The following IMPG1 variants were observed in gnomAD, a reference collection of about 807,000 sequenced individuals.
IMPG1 encodes the protein interphotoreceptor matrix proteoglycan of 150 kDa.
IMPG1 carries 85 observed loss-of-function variants against 92.0 expected under a neutral mutation model. The observed-to-expected ratio is 0.92, with a 90% CI of 0.78 to 1.11. The LOEUF (loss-of-function observed/expected upper bound fraction) is 1.11, where lower values mean the gene tolerates loss of function less well. IMPG1 is among the 50% of genes least tolerant of loss of function. The pLI, the probability that IMPG1 is intolerant of heterozygous loss-of-function variation, is 0.00. For synonymous variants in IMPG1, 367 were observed against 334.1 expected, an observed-to-expected ratio of 1.10 and a Z score of -1.08; for missense variants, 1,022 against 956.0, an observed-to-expected ratio of 1.07 and a Z score of -0.91.
chr6:76,012,667 C>A (rs1783207121), intron 7 of IMPG1, among the ~76,000 whole-genome samples: 1 of 152,156 alleles, frequency 6.6e-6, no homozygotes, highest in Non-Finnish European at 1.5e-5. Flanking sequence ...TGAGCAGACA[C>A]CCATCCCTTT....
chr6:75,973,918 T>C (rs12527817), intron 12 of IMPG1, among the ~76,000 whole-genome samples: 71,586 of 152,072 alleles, frequency 0.47, 17,270 homozygotes, highest in East Asian at 0.72. Context: ...ATCTGCCATG[T>C]CTGCTTTAGG....
Position 75,947,358 on chromosome 6 carries a change from T to C in IMPG1, c.2000A>G (p.Gln667Arg), listed in dbSNP as rs1781943910. 7 of 1,613,972 alleles carry C rather than the reference T, an allele frequency of 4.3e-6. No homozygotes were observed. In the East Asian group the frequency reaches 1.6e-4, roughly 36 times the overall value. ...GTAGCTGTCTATTTCCAGATGGAGT[T>C]GTTGGGCTGCAGCAGAACGAAAATC... ...LEDFRSAAAQ[Q>R]LHLEIDSYSL... The change falls in exon 14 of 17, where the codon CAA (glutamine) becomes CGA (arginine). Residue 667 changes from glutamine (Q) to arginine (R), a missense_variant. Gln to Arg is a conservative substitution (Grantham distance 43). Transcript: ENST00000369950.
intron 15 of IMPG1, among the ~76,000 whole-genome samples, chr6:75,926,297 A>G (rs1344595495): frequency 1.3e-5 from 2 of 151,898 alleles, no homozygotes; most frequent in Non-Finnish European, 2.9e-5. Context: ...TAAAATTCCA[A>G]CCCCTTCCTC....
chr6:75,997,449 G>C (rs1438692428), intron 12 of IMPG1, among the ~76,000 whole-genome samples: 1 of 152,126 alleles, frequency 6.6e-6, no homozygotes, highest in African/African-American at 2.4e-5. Flanking sequence ...TTTTGGGCTG[G>C]GAGAGAGGCT....
At chr6:76,071,271 A>T (rs983077729) in intron 1 of IMPG1, among the ~76,000 whole-genome samples, 1 of 150,244 alleles carries the variant, frequency 6.7e-6, no homozygotes, top group African/African-American at 2.4e-5. Context: ...GAATTAATGT[A>T]ACAAAAAATT....
intron 12 of IMPG1, among the ~76,000 whole-genome samples, chr6:75,965,983 A>G (rs967445927): frequency 6.6e-6 from 1 of 152,124 alleles, no homozygotes; most frequent in Non-Finnish European, 1.5e-5. Context: ...TCCTCTTAAC[A>G]GTGTCCTTTG....
chr6:76,066,625 C>T (rs2127598796), intron 1 of IMPG1, among the ~76,000 whole-genome samples: 1 of 152,184 alleles, frequency 6.6e-6, no homozygotes, highest in East Asian at 1.9e-4. Context: ...ATTCCACTGG[C>T]AACACTAGAC....
At chr6:76,021,087 A>G (rs1783415461) in intron 6 of IMPG1, among the ~76,000 whole-genome samples, 1 of 152,186 alleles carries the variant, frequency 6.6e-6, no homozygotes, top group South Asian at 2.1e-4. Context: ...AACACTTGTC[A>G]TCTATTGTCT....
At chr6:75,984,980 G>C (rs1782689567) in intron 12 of IMPG1, among the ~76,000 whole-genome samples, 1 of 152,140 alleles carries the variant, frequency 6.6e-6, no homozygotes, top group African/African-American at 2.4e-5. Flanking sequence ...CCTGCAGAAC[G>C]GCAAGCCAAT....
chr6:76,063,652 A>G (rs1165483873), intron 1 of IMPG1, among the ~76,000 whole-genome samples: 1 of 152,172 alleles, frequency 6.6e-6, no homozygotes, highest in Non-Finnish European at 1.5e-5. Flanking sequence ...GGCTGCATCC[A>G]TTGAATGACT....
chr6:75,962,294 ATT>A (rs146223042), intron 12 of IMPG1, among the ~76,000 whole-genome samples: 2 of 149,906 alleles, frequency 1.3e-5, no homozygotes, highest in African/African-American at 4.9e-5. Context: ...AATTAAAAAA[ATT>A]TTTTTTTTAT....
chr6:75,991,723 A>G (rs1057435129), intron 12 of IMPG1, among the ~76,000 whole-genome samples: 4 of 152,140 alleles, frequency 2.6e-5, no homozygotes, highest in African/African-American at 9.7e-5. Context: ...ACCTATTACC[A>G]TCAATGACAA....
rs552813844 is a variant in IMPG1 at position 75,949,782 on chromosome 6, A to G, written c.1824+780T>C. On this transcript the variant is annotated intron_variant, in intron 13 of 16. Transcript: ENST00000369950. Reference sequence around the variant, plus strand: ...CAGATAAAGTCTTACTTTAAAGCAAATGTTCACTTGAGAAATTGGGTTTCA... The same window carrying G: ...CAGATAAAGTCTTACTTTAAAGCAAGTGTTCACTTGAGAAATTGGGTTTCA... Among the ~76,000 whole-genome samples, 62 of 152,266 alleles carry G rather than the reference A, an allele frequency of 4.1e-4. No individual in the cohort carries two copies. The South Asian group carries it at 4.4e-3, about 11-fold the overall frequency.
At chr6:75,998,431 G>T (rs2149475412) in intron 12 of IMPG1, among the ~76,000 whole-genome samples, 1 of 152,312 alleles carries the variant, frequency 6.6e-6, no homozygotes, top group Admixed American at 6.5e-5. Flanking sequence ...CCTTCTGATG[G>T]AGTCAAAGGC....
rs34689566 is a variant in IMPG1 at position 75,933,858 on chromosome 6, A to G, written c.2045-2707T>C. On this transcript the variant is annotated intron_variant, in intron 14 of 16. Transcript: ENST00000369950. ...CAGGCACTTTCAACATGTGTCTTCAATAATATTCACAGCACCTCTCAAATC... is the reference window on the plus strand; with the variant it reads ...CAGGCACTTTCAACATGTGTCTTCAGTAATATTCACAGCACCTCTCAAATC... Among the ~76,000 whole-genome samples the G allele has an allele frequency of 9.4e-3, 1,437 of 152,364 alleles. 18 individuals carry two copies. The highest frequency in any genetic ancestry group is 9.4e-3 in the Non-Finnish European group (637 of 68,034).
At chr6:76,018,498 A>G (rs1485495396) in intron 7 of IMPG1, among the ~76,000 whole-genome samples, 7 of 152,262 alleles carry the variant, frequency 4.6e-5, no homozygotes, top group Non-Finnish European at 8.8e-5. Context: ...GGTGGGGACC[A>G]CTGCAAGTTT....
chr6:75,940,902 C>G (rs1781828555), intron 14 of IMPG1, among the ~76,000 whole-genome samples: 1 of 152,126 alleles, frequency 6.6e-6, no homozygotes, highest in South Asian at 2.1e-4. Flanking sequence ...CTGGGCCCAC[C>G]ACCATCATAC....
chr6:76,022,106 A>T lies in IMPG1; in HGVS notation c.666+10T>A, dbSNP rs371230189. ...CATGAAGAGCTAGATCAACTCTAGGAACTTCTTACTGTTGTAGGCATCTTG... is the reference window on the plus strand; with the variant it reads ...CATGAAGAGCTAGATCAACTCTAGGTACTTCTTACTGTTGTAGGCATCTTG... On this transcript the variant is annotated intron_variant, in intron 6 of 16. Coordinates refer to ENST00000369950, the MANE Select transcript of IMPG1 (RefSeq NM_001563.4). 8.8e-6 allele frequency: 13 copies of T among 1,474,202 alleles called. No homozygotes were observed. The East Asian group carries it at 1.6e-4, about 19-fold the overall frequency. The allele number at this position is 1,474,202 out of a possible 1,614,324, so 91.3% of individuals were successfully genotyped here.
At chr6:75,954,456 G>A (rs988059118) in intron 12 of IMPG1, among the ~76,000 whole-genome samples, 4 of 151,930 alleles carry the variant, frequency 2.6e-5, no homozygotes, top group Non-Finnish European at 1.5e-5. Flanking sequence ...TTTTTGATGG[G>A]GTTGTTTGTT....
Sources: gnomAD v4.1 joint callset for allele counts (sites outside exome capture counted in the v4.1 genomes callset) on GRCh38, gnomAD v4.1.1 for gene constraint, MANE v1.5 for transcripts, NCBI Gene and HGNC (gene_info 2026-07-23, HGNC 2026-07-21) for gene names.